The following ECPAS variants were observed in gnomAD, a reference collection of about 807,000 sequenced individuals.
ECPAS encodes the protein proteasome adapter and scaffold protein ECM29.
A neutral mutation model predicts 255.1 loss-of-function variants in ECPAS; 70 were observed. The observed-to-expected ratio is 0.27, with a 90% CI of 0.23 to 0.33. ECPAS has a LOEUF of 0.33. ECPAS is among the 10% of genes least tolerant of loss of function. The pLI, the probability that ECPAS is intolerant of heterozygous loss-of-function variation, is 1.00. For missense variants in ECPAS, 1,817 were observed against 2,206.4 expected (o/e 0.82, Z 3.54); for synonymous variants, 784 against 775.0 (o/e 1.01, Z -0.19).
At chr9:111,452,893 G>C (rs2098262193) in intron 2 of ECPAS, among the ~76,000 whole-genome samples, 1 of 152,130 alleles carries the variant, frequency 6.6e-6, no homozygotes, top group African/African-American at 2.4e-5. Flanking sequence ...TGAGTTTAGG[G>C]ATTGGGGCAG....
Position 111,392,812 on chromosome 9 carries a change from C to T in ECPAS, c.3048G>A (p.Gln1016=). The change falls in exon 28 of 50, where the codon CAG becomes CAA. Residue 1016 remains glutamine (Q), a synonymous_variant. Transcript: ENST00000684092. Reference sequence around the variant, plus strand: ...TTTCCACAAGTGTAGAAACCAATTCCTGTTGATCTTGTTCATTGCCTAGTT... The same window carrying T: ...TTTCCACAAGTGTAGAAACCAATTCTTGTTGATCTTGTTCATTGCCTAGTT... ...VYELGNEQDQ[Q]ELVSTLVETL... The T allele has an allele frequency of 1.2e-6, 2 of 1,613,642 alleles. No individual in the cohort carries two copies. Among genetic ancestry groups the T allele is most frequent in the Non-Finnish European group, 1.7e-6 (2 of 1,179,758 alleles).
chr9:111,440,609 A>G lies in ECPAS; in HGVS notation c.390-88T>C, dbSNP rs927117518. On this transcript the variant is annotated intron_variant, in intron 5 of 49. Coordinates refer to ENST00000684092, the MANE Select transcript of ECPAS (RefSeq NM_001364929.1). ...ACAGACAAAACAAAAATCACGTAAC[A>G]AAAACTGGCAGTTTTAAGCAAGAGA... 3 of 1,016,540 alleles carry G rather than the reference A, an allele frequency of 3.0e-6. No homozygotes were observed. In the African/African-American group the frequency reaches 4.9e-5, roughly 17 times the overall value. The allele number at this position is 1,016,540 out of a possible 1,614,324, so 63.0% of individuals were successfully genotyped here.
intron 36 of ECPAS, 79 bp from the exon 37 acceptor site, chr9:111,376,620 C>A: frequency 9.8e-7 from 1 of 1,018,548 alleles, no homozygotes; most frequent in Non-Finnish European, 1.5e-6. Flanking sequence ...AAAAGACTTT[C>A]ACTTCCAAGC....
chr9:111,410,547 A>G (rs1390600970), intron 22 of ECPAS, among the ~76,000 whole-genome samples: 1 of 152,060 alleles, frequency 6.6e-6, no homozygotes, highest in Non-Finnish European at 1.5e-5. Flanking sequence ...GACAAGGTCG[A>G]GCTCTGTCAC....
At chr9:111,416,128 T>C (rs867854401) in intron 18 of ECPAS, 144 bp downstream of exon 18, 2 of 570,888 alleles carry the variant, frequency 3.5e-6, no homozygotes, top group African/African-American at 1.9e-5. Flanking sequence ...TACTTTTTTT[T>C]TAAATAAACA....
intron 7 of ECPAS, among the ~76,000 whole-genome samples, chr9:111,433,703 G>C (rs886972470): frequency 2.0e-5 from 3 of 152,154 alleles, no homozygotes; most frequent in Non-Finnish European, 4.4e-5. Context: ...ATGATACACA[G>C]CCTCCCTAGT....
chr9:111,449,912 G>C (rs1476419905), intron 3 of ECPAS, among the ~76,000 whole-genome samples: 2 of 152,298 alleles, frequency 1.3e-5, no homozygotes, highest in East Asian at 3.9e-4. Context: ...CACCTGCACA[G>C]GGTCTATCTT....
At chr9:111,416,207 T>A (rs960936023) in intron 18 of ECPAS, 65 bp downstream of exon 18, 13 of 1,173,262 alleles carry the variant, frequency 1.1e-5, no homozygotes, top group Non-Finnish European at 1.5e-5. Context: ...AGACCCCTCT[T>A]TGGGTGTGGT....
Position 111,443,614 on chromosome 9 carries a change from G to A in ECPAS, c.270+764C>T, listed in dbSNP as rs189787197. Among the ~76,000 whole-genome samples the A allele has an allele frequency of 6.1e-4, 93 of 152,132 alleles. 1 individual carries two copies. The South Asian group carries it at 6.3e-3, about 10-fold the overall frequency. On this transcript the variant is annotated intron_variant, in intron 4 of 49. Transcript: ENST00000684092. ...TTACTTCTTCAAATAAATTATATTT[G>A]GCATTTTTATTGGCACACAGTGTTC...
chr9:111,393,009 GAATC>G (rs1187934205), intron 27 of ECPAS, 127 bp from the exon 28 acceptor site: 1 of 611,426 alleles, frequency 1.6e-6, no homozygotes, highest in African/African-American at 1.9e-5. Flanking sequence ...TATAAAAACA[GAATC>G]AATATGCCTA....
At chr9:111,400,598 A>G (rs957220464) in intron 24 of ECPAS, among the ~76,000 whole-genome samples, 1 of 152,230 alleles carries the variant, frequency 6.6e-6, no homozygotes, top group African/African-American at 2.4e-5. Flanking sequence ...AATGGGGGAA[A>G]AAAATCAAAT....
At position 111,436,953 on chromosome 9, in the gene ECPAS, T is replaced by C; in HGVS notation, c.695A>G (p.Glu232Gly). Reference sequence around the variant, plus strand: ...CTTGTGTGATACCTGTTCCAATTGTTCAGGTGTCCATGGGTTATCACCAAT... The same window carrying C: ...CTTGTGTGATACCTGTTCCAATTGTCCAGGTGTCCATGGGTTATCACCAAT... ...RVIGDNPWTP[E>G]QLEQCKLGIV... Residue 232 changes from glutamate (E) to glycine (G), a missense_variant, in exon 7 of 50, where the codon GAA becomes GGA. This residue lies in a region of ECPAS where 573 missense variants were observed against 716.2 expected (regional missense o/e 0.80). Coordinates refer to ENST00000684092, the MANE Select transcript of ECPAS (RefSeq NM_001364929.1). 6.2e-7 allele frequency: 1 copy of C among 1,605,580 alleles called. No homozygotes were observed. The highest frequency in any genetic ancestry group is 8.5e-7 in the Non-Finnish European group (1 of 1,176,900).
chr9:111,402,557 T>C (rs893935675), intron 24 of ECPAS, among the ~76,000 whole-genome samples: 1 of 152,308 alleles, frequency 6.6e-6, no homozygotes, highest in East Asian at 1.9e-4. Flanking sequence ...TAATACTCCA[T>C]AGAATCTTTA....
intron 2 of ECPAS, among the ~76,000 whole-genome samples, chr9:111,458,397 TGA>T (rs2098269404): frequency 1.3e-5 from 2 of 152,240 alleles, no homozygotes; most frequent in Admixed American, 6.5e-5. Flanking sequence ...TCCATGTTCC[TGA>T]GAGGAAAGCA....
intron 2 of ECPAS, among the ~76,000 whole-genome samples, chr9:111,469,508 C>T (rs975666516): frequency 1.4e-5 from 2 of 146,612 alleles, no homozygotes; most frequent in African/African-American, 5.1e-5. Flanking sequence ...CTAGCCCAGG[C>T]GACAGTACGA....
At chr9:111,402,759 T>C (rs1400014745) in intron 24 of ECPAS, among the ~76,000 whole-genome samples, 3 of 152,138 alleles carry the variant, frequency 2.0e-5, no homozygotes, top group African/African-American at 7.2e-5. Flanking sequence ...GAAGTTGTCA[T>C]CAAACTTGTT....
At chr9:111,365,469 C>G (rs2098119294) in intron 48 of ECPAS, 1 of 152,678 alleles carries the variant, frequency 6.5e-6, no homozygotes, top group Admixed American at 6.5e-5. Flanking sequence ...AGTTTTGAGA[C>G]CAGCCTGGCC....
At chr9:111,397,403 C>G (rs2098169218) in intron 24 of ECPAS, among the ~76,000 whole-genome samples, 2 of 152,194 alleles carry the variant, frequency 1.3e-5, no homozygotes, top group South Asian at 4.1e-4. Context: ...AACCACTAAG[C>G]AGTGATTTAT....
At chr9:111,463,089 C>T (rs768814471) in intron 2 of ECPAS, among the ~76,000 whole-genome samples, 2 of 152,120 alleles carry the variant, frequency 1.3e-5, no homozygotes, top group Non-Finnish European at 2.9e-5. Flanking sequence ...TGATAATAAC[C>T]CCCAAATTTC....
Sources: gnomAD v4.1 joint callset for allele counts (sites outside exome capture counted in the v4.1 genomes callset) on GRCh38, gnomAD v4.1.1 for gene constraint, gnomAD v4.1.1 regional missense constraint, MANE v1.5 for transcripts, NCBI Gene and HGNC (gene_info 2026-07-23, HGNC 2026-07-21) for gene names.